KCNN2: variants seen among roughly 807,000 people sequenced by gnomAD.
KCNN2 encodes the protein small conductance calcium-activated potassium channel protein 2.
In KCNN2, 24 loss-of-function variants were observed where a neutral mutation model predicts 55.5. The ratio of observed to expected loss-of-function variants is 0.43; its 90% CI spans 0.31 to 0.61. KCNN2 has a LOEUF of 0.61. KCNN2 is among the 20% of genes least tolerant of loss of function. The probability of loss-of-function intolerance (pLI) is 0.08; values close to 1 mark genes in which losing one functional copy is unlikely to be tolerated. For synonymous variants in KCNN2, 431 were observed against 336.1 expected (o/e 1.28, Z -3.09); for missense variants, 754 against 853.6 (o/e 0.88, Z 1.45).
intron 3 of KCNN2, 65 bp from the exon 4 acceptor site, chr5:114,462,984 A>G (rs1483355322): frequency 2.7e-6 from 4 of 1,490,300 alleles, no homozygotes; most frequent in African/African-American, 1.4e-5. Flanking sequence ...AATTGAACCA[A>G]ACCACACTTA....
intron 4 of KCNN2, among the ~76,000 whole-genome samples, chr5:114,467,926 T>C (rs1042893667): frequency 1.3e-5 from 2 of 152,180 alleles, no homozygotes; most frequent in East Asian, 1.9e-4. Flanking sequence ...TGATTCATTG[T>C]TGATGACCAG....
At chr5:114,462,959 A>T in intron 3 of KCNN2, 90 bp from the exon 4 acceptor site, 1 of 1,211,972 alleles carries the variant, frequency 8.3e-7, no homozygotes, top group Non-Finnish European at 1.2e-6. Flanking sequence ...TATAGAAGAT[A>T]CAGTAAATTC....
Position 114,493,460 on chromosome 5 carries a change from G to A in KCNN2, c.2076G>A (p.Val692=). The A allele has an allele frequency of 2.5e-6, 4 of 1,610,210 alleles. No homozygotes were observed. Among genetic ancestry groups the A allele is most frequent in the South Asian group, 1.1e-5 (1 of 90,996 alleles). ...TGAATGACCAAGCAAACACTTTGGT[G>A]GACTTGGCAAAGGTAAGCCTGAGGT... ...RKLNDQANTL[V]DLAKTQNIMY... Residue 692 remains valine (V), a synonymous_variant, in exon 7 of 8, where the codon GTG becomes GTA. Transcript: ENST00000673685.
chr5:114,219,331 C>G (rs904973627), intron 1 of KCNN2, among the ~76,000 whole-genome samples: 1 of 152,204 alleles, frequency 6.6e-6, no homozygotes, highest in Non-Finnish European at 1.5e-5. Flanking sequence ...GCACTCATGG[C>G]TCCCAAGCTC....
At chr5:114,417,526 A>G (rs990550608) in intron 3 of KCNN2, among the ~76,000 whole-genome samples, 22 of 152,184 alleles carry the variant, frequency 1.4e-4, no homozygotes, top group African/African-American at 5.3e-4. Flanking sequence ...CTTAACCATC[A>G]TTCACCGACT....
At chr5:114,157,619 C>T (rs1158393251) in intron 1 of KCNN2, among the ~76,000 whole-genome samples, 1 of 152,172 alleles carries the variant, frequency 6.6e-6, no homozygotes, top group Non-Finnish European at 1.5e-5. Context: ...TACAGTCCTA[C>T]TAACAGTATA....
At chr5:114,490,817 C>G (rs1430348226) in intron 6 of KCNN2, 1 of 397,284 alleles carries the variant, frequency 2.5e-6, no homozygotes, top group Non-Finnish European at 4.4e-6. Flanking sequence ...GAAATGTGAT[C>G]CAAAATCATG....
chr5:114,428,406 ATC>A (rs1449606231), intron 3 of KCNN2, among the ~76,000 whole-genome samples: 3 of 152,190 alleles, frequency 2.0e-5, no homozygotes, highest in Non-Finnish European at 4.4e-5. Flanking sequence ...AATAGTTGAT[ATC>A]TCCTAAAGTA....
chr5:114,442,801 G>A (rs951309794), intron 3 of KCNN2, among the ~76,000 whole-genome samples: 1 of 152,114 alleles, frequency 6.6e-6, no homozygotes, highest in Non-Finnish European at 1.5e-5. Context: ...AAGTCTCATC[G>A]GAACAGGACC....
At chr5:114,109,225 G>T (rs76681766) in intron 1 of KCNN2, among the ~76,000 whole-genome samples, 7,012 of 152,128 alleles carry the variant, frequency 0.046, 535 homozygotes, top group African/African-American at 0.16. Flanking sequence ...CTGTCTGAAG[G>T]CTGCTTTGAG....
intron 2 of KCNN2, among the ~76,000 whole-genome samples, chr5:114,267,515 C>T (rs973851595): frequency 6.6e-6 from 1 of 151,942 alleles, no homozygotes; most frequent in Middle Eastern, 3.4e-3. Context: ...TCTCAGGAGG[C>T]CAGAGCCAGA....
intron 1 of KCNN2, among the ~76,000 whole-genome samples, chr5:114,194,748 A>T (rs1436667863): frequency 1.3e-5 from 2 of 152,058 alleles, no homozygotes; most frequent in Non-Finnish European, 2.9e-5. Flanking sequence ...CATCTAAGAA[A>T]TCATTGCCTA....
chr5:114,492,992 A>G (rs1350642), intron 6 of KCNN2, among the ~76,000 whole-genome samples: 140,783 of 152,072 alleles, frequency 0.93, 66,143 homozygotes, highest in East Asian at 1. Flanking sequence ...CCTGTATCTA[A>G]TCATGTAGGC....
intron 5 of KCNN2, among the ~76,000 whole-genome samples, chr5:114,478,326 G>A (rs375722057): frequency 5.9e-5 from 9 of 152,166 alleles, no homozygotes; most frequent in Admixed American, 4.6e-4. Flanking sequence ...CTATAGGTTT[G>A]AACAAAGCAA....
chr5:114,427,100 C>T (rs1759650218), intron 3 of KCNN2, among the ~76,000 whole-genome samples: 1 of 152,086 alleles, frequency 6.6e-6, no homozygotes, highest in South Asian at 2.1e-4. Context: ...TCCATCCTGC[C>T]ACAGCACTCA....
At chr5:114,368,362 G>A (rs140573905) in intron 2 of KCNN2, among the ~76,000 whole-genome samples, 42 of 152,272 alleles carry the variant, frequency 2.8e-4, no homozygotes, top group Middle Eastern at 3.4e-3. Flanking sequence ...TGGCTTTTCA[G>A]AGATGGCTCT....
chr5:114,101,201 C>G (rs1355038040), intron 1 of KCNN2, among the ~76,000 whole-genome samples: 1 of 151,742 alleles, frequency 6.6e-6, no homozygotes, highest in African/African-American at 2.4e-5. Context: ...ACTTTTAAAT[C>G]TTTGTGAGTA....
chr5:114,309,197 C>A (rs186241979), intron 2 of KCNN2, among the ~76,000 whole-genome samples: 64 of 152,196 alleles, frequency 4.2e-4, no homozygotes, highest in Non-Finnish European at 7.5e-4. Flanking sequence ...CTTTTAAATG[C>A]TTCATATGGG....
chr5:114,198,463 TACAC>T (rs56335930), intron 1 of KCNN2, among the ~76,000 whole-genome samples: 152 of 147,890 alleles, frequency 1.0e-3, no homozygotes, highest in African/African-American at 3.4e-3. Context: ...TATATACATA[TACAC>T]ACACACACAC....
Sources: gnomAD v4.1 joint callset for allele counts (sites outside exome capture counted in the v4.1 genomes callset) on GRCh38, gnomAD v4.1.1 for gene constraint, MANE v1.5 for transcripts, NCBI Gene and HGNC (gene_info 2026-07-23, HGNC 2026-07-21) for gene names.